NTAQ1: variants seen among roughly 807,000 people sequenced by gnomAD.
The protein encoded by NTAQ1 is protein N-terminal glutamine amidohydrolase.
In NTAQ1, 21 loss-of-function variants were observed where a neutral mutation model predicts 28.2. The ratio of observed to expected loss-of-function variants is 0.74; its 90% CI spans 0.53 to 1.07. The LOEUF (loss-of-function observed/expected upper bound fraction) is 1.07. NTAQ1 is among the 50% of genes least tolerant of loss of function. The probability of loss-of-function intolerance (pLI) is 0.00; values close to 1 mark genes in which losing one functional copy is unlikely to be tolerated. For synonymous variants in NTAQ1, 105 were observed against 90.0 expected (o/e 1.17, Z -0.94); for missense variants, 264 against 256.6 (o/e 1.03, Z -0.20).
intron 5 of NTAQ1, among the ~76,000 whole-genome samples, chr8:123,440,794 C>CT (rs1200293495): frequency 1.3e-5 from 2 of 152,192 alleles, no homozygotes; most frequent in Non-Finnish European, 2.9e-5. Flanking sequence ...AGCCAACATG[C>CT]TTGGCTCAGA....
chr8:123,456,388 C>T (rs1042009391), intron 6 of NTAQ1, among the ~76,000 whole-genome samples: 3 of 152,158 alleles, frequency 2.0e-5, no homozygotes, highest in East Asian at 1.9e-4. Context: ...ATTTTTGTTT[C>T]GAAACTTGGA....
chr8:123,445,390 T>C (rs1815237393), downstream of NTAQ1, among the ~76,000 whole-genome samples: 2 of 152,212 alleles, frequency 1.3e-5, no homozygotes, highest in South Asian at 4.1e-4. Context: ...GGATGTTTTC[T>C]AGTCAGTACA....
At chr8:123,434,246 G>C (rs548106243) in intron 3 of NTAQ1, among the ~76,000 whole-genome samples, 1 of 152,106 alleles carries the variant, frequency 6.6e-6, no homozygotes, top group Non-Finnish European at 1.5e-5. Context: ...GGAACTTCTT[G>C]AGGGTGAGAA....
intron 1 of NTAQ1, among the ~76,000 whole-genome samples, chr8:123,425,470 A>G (rs115201437): frequency 7.1e-6 from 1 of 141,114 alleles, no homozygotes. Context: ...CCACCCCCCC[A>G]CTTTTTTTTT....
intron 6 of NTAQ1, among the ~76,000 whole-genome samples, chr8:123,455,958 A>G (rs1405835249): frequency 2.0e-5 from 3 of 152,130 alleles, no homozygotes; most frequent in African/African-American, 7.2e-5. Flanking sequence ...CAGCCCATTC[A>G]TGTTTGGTTG....
rs554768772 is a variant in NTAQ1, at chr8:123,437,256, T to A, written c.430T>A (p.Ser144Thr). ...AGATTCATATTTGAAGAACTTTGCTTCTGACCGATCTCACATGAAAGACTC... is the reference window on the plus strand; with the variant it reads ...AGATTCATATTTGAAGAACTTTGCTACTGACCGATCTCACATGAAAGACTC... The part of the protein sequence containing the change: ...RADSYLKNFA[S>T]DRSHMKDSSG... Residue 144 changes from serine (S) to threonine (T), a missense_variant, in exon 5 of 6, where the codon TCT (serine) becomes ACT (threonine). Transcript: ENST00000287387. The A allele has an allele frequency of 5.0e-6, 8 of 1,614,196 alleles. No homozygotes were observed. Among genetic ancestry groups the A allele is most frequent in the African/African-American group, 1.3e-5 (1 of 75,040 alleles).
At chr8:123,461,861 G>A (rs1001909152) in intron 6 of NTAQ1, among the ~76,000 whole-genome samples, 2 of 152,104 alleles carry the variant, frequency 1.3e-5, no homozygotes, top group Non-Finnish European at 2.9e-5. Flanking sequence ...TTGACATGGG[G>A]CACAAGAGTG....
At chr8:123,424,527 C>T (rs944405586) in intron 1 of NTAQ1, among the ~76,000 whole-genome samples, 36 of 152,296 alleles carry the variant, frequency 2.4e-4, no homozygotes, top group African/African-American at 8.4e-4. Context: ...CAGGCGTGAG[C>T]TGCTGCGCCT....
rs117945319 is a variant in NTAQ1, at chr8:123,431,881, G to A, written c.234+1848G>A. 4.1e-3 allele frequency among the ~76,000 whole-genome samples: 622 copies of A among 152,322 alleles called. 2 individuals are homozygous for A. The highest frequency in any genetic ancestry group is 7.4e-3 in the Non-Finnish European group (501 of 68,030). Reference sequence around the variant, plus strand: ...TGATACCTAACCCCTGTTATAGATGGTCCGTGTGCACGAGAAATCATCCCT... The same window carrying A: ...TGATACCTAACCCCTGTTATAGATGATCCGTGTGCACGAGAAATCATCCCT... On this transcript the variant is annotated intron_variant, in intron 3 of 5. Transcript: ENST00000287387.
chr8:123,475,296 G>C, the NTAQ1 span, among the ~76,000 whole-genome samples: 4 of 151,952 alleles, frequency 2.6e-5, no homozygotes, highest in East Asian at 1.9e-4. Flanking sequence ...GGCTCATCTT[G>C]TACTTTCTTT....
chr8:123,436,355 C>G, intron 3 of NTAQ1, 98 bp from the exon 4 acceptor site: 4 of 1,161,188 alleles, frequency 3.4e-6, no homozygotes, highest in Non-Finnish European at 3.7e-6. Context: ...AGGGCTGTAG[C>G]AGTCCTATAT....
Position 123,428,020 on chromosome 8 carries a change from G to A in NTAQ1, c.180G>A (p.Lys60=), listed in dbSNP as rs10505435. The A allele has an allele frequency of 0.017, 27,106 of 1,597,922 alleles. 312 individuals carry two copies. The highest frequency in any genetic ancestry group is 0.02 in the Non-Finnish European group (23,638 of 1,173,520). The stretch of plus-strand genomic sequence containing the variant: ...CTGTCTTCATATCTAATGAGAGGAA[G>A]ATGGTAAGTTGGTGAGTGATTGCAG... ...CYAVFISNER[K]MIPIWKQQAR... is the part of the protein sequence containing the mutation. The change falls in exon 2 of 6, where the codon AAG becomes AAA. Residue 60 remains lysine (K), a synonymous_variant. Transcript: ENST00000287387.
intron 1 of NTAQ1, 128 bp from the exon 2 acceptor site, chr8:123,427,796 C>A: frequency 1.4e-6 from 1 of 699,960 alleles, no homozygotes; most frequent in Non-Finnish European, 2.4e-6. Context: ...CAGACATTAG[C>A]CAGTTGTTGG....
At chr8:123,451,539 A>G (rs1208122680), downstream of NTAQ1, among the ~76,000 whole-genome samples, 3 of 151,688 alleles carry the variant, frequency 2.0e-5, no homozygotes, top group Non-Finnish European at 4.4e-5. Flanking sequence ...GAGTTTCATC[A>G]TGTTGGCCAG....
exon 7 of NTAQ1, among the ~76,000 whole-genome samples, chr8:123,469,029 A>T (rs1816015364): frequency 6.6e-6 from 1 of 152,152 alleles, no homozygotes; most frequent in Non-Finnish European, 1.5e-5. Flanking sequence ...TTTTGGAGAC[A>T]TGTCTGTTCA....
At chr8:123,437,182 A>G (rs773324479) in intron 4 of NTAQ1, 28 bp from the exon 5 acceptor site, 7 of 1,612,458 alleles carry the variant, frequency 4.3e-6, no homozygotes, top group Middle Eastern at 1.7e-4. Context: ...CATCTCCCTA[A>G]TGTGAGTGTA....
downstream of NTAQ1, among the ~76,000 whole-genome samples, chr8:123,474,883 G>C (rs1490231775): frequency 6.6e-6 from 1 of 152,166 alleles, no homozygotes; most frequent in African/African-American, 2.4e-5. Context: ...GCAAAACTCT[G>C]TCTCAAAACA....
At position 123,441,430 on chromosome 8, in the gene NTAQ1, T is replaced by G. The variant is rs759929274; in HGVS notation, c.*15T>G. The G allele has an allele frequency of 8.2e-6, 13 of 1,577,316 alleles. No homozygotes were observed. In the Middle Eastern group the frequency reaches 1.0e-3, roughly 121 times the overall value. ...AAAACTGCTGAACTTGGTCTCAAGA[T>G]GTGGAACTGTGGAGAAATTCTAGGA... On this transcript the variant is annotated 3_prime_UTR_variant, in exon 6 of 6. Coordinates refer to ENST00000287387, the MANE Select transcript of NTAQ1 (RefSeq NM_018024.3).
chr8:123,467,223 A>G (rs1412689445), exon 7 of NTAQ1: 1 of 151,866 alleles, frequency 6.6e-6, no homozygotes, highest in Non-Finnish European at 1.5e-5. Flanking sequence ...TTTTAGTGAG[A>G]TGGGGTTCCG....
Sources: allele counts gnomAD v4.1 joint callset (sites outside exome capture counted in the v4.1 genomes callset), GRCh38; gene constraint gnomAD v4.1.1; transcripts MANE v1.5; gene names NCBI Gene and HGNC (gene_info 2026-07-23, HGNC 2026-07-21).